ZNF565: variants seen among roughly 807,000 people sequenced by gnomAD.
The protein encoded by ZNF565 is zinc finger protein 565.
ZNF565 carries 27 observed loss-of-function variants against 39.4 expected under a neutral mutation model. The ratio of observed to expected loss-of-function variants is 0.69; its 90% CI spans 0.51 to 0.95. ZNF565 has a LOEUF of 0.95. Among genes scored for constraint, ZNF565 ranks in the 40% least tolerant of loss-of-function variants. ZNF565 has a pLI of 0.00. For synonymous variants in ZNF565, 185 were observed against 216.6 expected, an observed-to-expected ratio of 0.85 and a Z score of 1.28; for missense variants, 524 against 621.1, an observed-to-expected ratio of 0.84 and a Z score of 1.66.
At chr19:36,240,697 C>T (rs1005051706) in intron 1 of ZNF565, among the ~76,000 whole-genome samples, 6 of 151,896 alleles carry the variant, frequency 4.0e-5, no homozygotes, top group South Asian at 2.1e-4. Context: ...GGCAAAACCC[C>T]GTCTCTACTA....
At chr19:36,230,609 A>G (rs1386595820) in intron 1 of ZNF565, among the ~76,000 whole-genome samples, 1 of 152,184 alleles carries the variant, frequency 6.6e-6, no homozygotes, top group African/African-American at 2.4e-5. Context: ...CAGAAGGAAC[A>G]AAAGTGTTAA....
At chr19:36,232,609 CT>C (rs548903056) in intron 1 of ZNF565, among the ~76,000 whole-genome samples, 7,060 of 139,990 alleles carry the variant, frequency 0.05, 541 homozygotes, top group African/African-American at 0.17. Flanking sequence ...TTTCTTTTTT[CT>C]TTTTTTTTTT....
intron 2 of ZNF565, 101 bp downstream of exon 2, chr19:36,201,876 T>C: frequency 7.1e-7 from 1 of 1,410,094 alleles, no homozygotes; most frequent in South Asian, 1.3e-5. Flanking sequence ...ATGGACCAAC[T>C]GTGAGAAGGA....
chr19:36,186,257 T>C lies in ZNF565; in HGVS notation c.233-2524A>G, dbSNP rs569944020. Among the ~76,000 whole-genome samples the C allele has an allele frequency of 2.6e-5, 4 of 152,278 alleles. No individual in the cohort carries two copies. The South Asian group carries it at 6.2e-4, about 24-fold the overall frequency. ...CACGTGATCCAGCCGCCTTGGCTTC[T>C]AAAAGTATTGGGATTACAGGCGTCA... On this transcript the variant is annotated intron_variant, in intron 4 of 4. Transcript: ENST00000304116.
At chr19:36,200,135 C>T (rs927522683) in intron 2 of ZNF565, among the ~76,000 whole-genome samples, 7 of 151,768 alleles carry the variant, frequency 4.6e-5, no homozygotes, top group East Asian at 1.9e-4. Flanking sequence ...AAGCGATTCT[C>T]GTGCCTCAGT....
At position 36,183,462 on chromosome 19, in the gene ZNF565, T is replaced by G. The variant is rs1479243628; in HGVS notation, c.504A>C (p.Glu168Asp). 4 of 1,614,118 alleles carry G rather than the reference T, an allele frequency of 2.5e-6. No individual in the cohort carries two copies. Among genetic ancestry groups the G allele is most frequent in the Non-Finnish European group, 3.4e-6 (4 of 1,180,058 alleles). Residue 168 changes from glutamate (E) to aspartate (D), a missense_variant, in exon 5 of 5, where the codon GAA becomes GAC. Coordinates refer to ENST00000304116, the MANE Select transcript of ZNF565 (RefSeq NM_152477.5). ...QSRETGEKLM[E>D]CHECGKAFSR... ...TAAATGCTTTCCCACATTCATGACA[T>G]TCCATCAGTTTCTCACCAGTCTCCC...
intron 1 of ZNF565, among the ~76,000 whole-genome samples, chr19:36,204,808 G>A (rs1976092105): frequency 6.6e-6 from 1 of 151,882 alleles, no homozygotes; most frequent in Non-Finnish European, 1.5e-5. Context: ...TGGCCAACAT[G>A]GTGAAACCCT....
chr19:36,219,208 G>A (rs575751785), upstream of ZNF565, among the ~76,000 whole-genome samples: 1 of 152,156 alleles, frequency 6.6e-6, no homozygotes, highest in African/African-American at 2.4e-5. Context: ...CTCAGGCTGG[G>A]TGCACTGGTG....
intron 1 of ZNF565, chr19:36,238,689 A>G (rs2145476715): frequency 6.0e-6 from 1 of 167,250 alleles, no homozygotes; most frequent in African/African-American, 2.4e-5. Flanking sequence ...CTAAAATTTT[A>G]TCACGGATGA....
intron 1 of ZNF565, among the ~76,000 whole-genome samples, chr19:36,210,036 G>A (rs1409944790): frequency 6.6e-6 from 1 of 152,024 alleles, no homozygotes; most frequent in East Asian, 1.9e-4. Flanking sequence ...GCCGAGGAAG[G>A]AGAATCACCT....
At chr19:36,228,174 A>AAG (rs61330060) in intron 1 of ZNF565, among the ~76,000 whole-genome samples, 2,618 of 144,282 alleles carry the variant, frequency 0.018, 31 homozygotes, top group African/African-American at 0.036. Context: ...AAAAAAAAAA[A>AAG]AAAGAAAGAA....
Position 36,243,965 on chromosome 19 carries a change from G to C in ZNF565, c.55+1511C>G, listed in dbSNP as rs181093866. On this transcript the variant is annotated intron_variant, in intron 1 of 4. Transcript: ENST00000355114. The stretch of plus-strand genomic sequence containing the variant: ...AATCCACCCTCCTTGGCCTCCCAAA[G>C]TGCTGGGATTACAGGTGTGAACCAC... Among the ~76,000 whole-genome samples, 4 of 152,274 alleles carry C rather than the reference G, an allele frequency of 2.6e-5. No individual in the cohort carries two copies. In the East Asian group the frequency reaches 7.7e-4, roughly 29 times the overall value.
chr19:36,228,776 G>A (rs2145432929), intron 1 of ZNF565: 2 of 152,396 alleles, frequency 1.3e-5, no homozygotes, highest in Middle Eastern at 6.8e-3. Flanking sequence ...GAAGCAAGAA[G>A]ACAAACTGTA....
chr19:36,194,848 A>C, intron 3 of ZNF565, 182 bp downstream of exon 3: 1 of 869,516 alleles, frequency 1.2e-6, no homozygotes, highest in Non-Finnish European at 1.9e-6. Flanking sequence ...CCTTTGACCC[A>C]GGAGCTCTGG....
At position 36,245,326 on chromosome 19, in the gene ZNF565, C is replaced by T. The variant is rs565711266; in HGVS notation, c.55+150G>A. ...GTATGACCCCAGCTCAGTTCTAAGC[C>T]GAGGGGCTGCTGCCGGACATTCTAG... On this transcript the variant is annotated intron_variant, in intron 1 of 4. Coordinates refer to the ZNF565 transcript ENST00000355114. This position sits in a 1 kb window ranked among gnomAD's most constrained non-coding sequence, Gnocchi z 4.4. The T allele has an allele frequency of 3.1e-6, 2 of 646,000 alleles. No individual in the cohort carries two copies. The highest frequency in any genetic ancestry group is 2.3e-5 in the Admixed American group (1 of 43,226). 40.0% of individuals were successfully genotyped at this position (646,000 alleles called of 1,614,324 possible).
upstream of ZNF565, among the ~76,000 whole-genome samples, chr19:36,216,251 C>T (rs572414898): frequency 1.2e-4 from 18 of 152,070 alleles, no homozygotes; most frequent in Non-Finnish European, 2.1e-4. Context: ...TAGGAAAGAA[C>T]TTTAAAATAC....
At chr19:36,200,014 A>G (rs1975898741) in intron 2 of ZNF565, among the ~76,000 whole-genome samples, 1 of 152,044 alleles carries the variant, frequency 6.6e-6, no homozygotes, top group African/African-American at 2.4e-5. Context: ...CTTAGAAATT[A>G]AAAGAAAGAA....
intron 1 of ZNF565, among the ~76,000 whole-genome samples, chr19:36,220,841 T>C (rs1976804458): frequency 6.8e-6 from 1 of 148,138 alleles, no homozygotes; most frequent in African/African-American, 2.5e-5. Flanking sequence ...ACTATTTTTG[T>C]TCTTAAAATG....
intron 1 of ZNF565, among the ~76,000 whole-genome samples, chr19:36,223,793 C>T (rs966001275): frequency 2.0e-5 from 3 of 151,982 alleles, no homozygotes; most frequent in African/African-American, 7.2e-5. Context: ...GTCACCCAGG[C>T]TGGGGTGCAG....
Sources: allele counts gnomAD v4.1 joint callset (sites outside exome capture counted in the v4.1 genomes callset), GRCh38; gene constraint gnomAD v4.1.1; non-coding constraint Gnocchi (gnomAD v3.1); transcripts MANE v1.5; gene names NCBI Gene and HGNC (gene_info 2026-07-23, HGNC 2026-07-21).